IL16: variants seen among roughly 807,000 people sequenced by gnomAD.
IL16 encodes the protein pro-interleukin-16.
In IL16, 67 loss-of-function variants were observed where a neutral mutation model predicts 110.1. The ratio of observed to expected loss-of-function variants is 0.61; its 90% CI spans 0.50 to 0.75. The LOEUF is 0.75. IL16 is among the 30% of genes least tolerant of loss of function. The pLI is 0.00. For synonymous variants in IL16, 689 were observed against 662.9 expected (o/e 1.04, Z -0.61); for missense variants, 1,545 against 1,655.0 (o/e 0.93, Z 1.15).
chr15:81,307,368 G>A (rs1180300351), intron 18 of IL16, among the ~76,000 whole-genome samples: 1 of 152,116 alleles, frequency 6.6e-6, no homozygotes, highest in South Asian at 2.1e-4. Context: ...TGTGTCTGAG[G>A]GCTCTTAGGA....
At chr15:81,215,785 C>T (rs1278885190) in intron 1 of IL16, among the ~76,000 whole-genome samples, 2 of 152,238 alleles carry the variant, frequency 1.3e-5, no homozygotes, top group Non-Finnish European at 2.9e-5. Context: ...TCCTCCCTCA[C>T]TCAAGTGCCA....
Position 81,303,612 on chromosome 15 carries a change from T to A in IL16, c.3382T>A (p.Leu1128Met). The change falls in exon 16 of 19, where the codon TTG (leucine) becomes ATG (methionine). Residue 1128 changes from leucine (L) to methionine (M), a missense_variant. This residue lies in a region of IL16 where 356 missense variants were observed against 399.3 expected (regional missense o/e 0.89). Transcript: ENST00000683961. The surrounding 1 kb of genome is among the most constrained non-coding windows in gnomAD (Gnocchi z 4.1). ...KEEGAGLGFSLAGGADLENKV... is the reference protein window; with the variant it reads ...KEEGAGLGFSMAGGADLENKV... ...GGAAGGTGCTGGTCTTGGGTTCAGC[T>A]TGGCAGGAGGAGCAGATCTAGAAAA... 3.1e-6 allele frequency: 5 copies of A among 1,614,066 alleles called. No individual in the cohort carries two copies. The highest frequency in any genetic ancestry group is 4.2e-6 in the Non-Finnish European group (5 of 1,179,884).
At chr15:81,241,972 C>G (rs1311490250) in intron 2 of IL16, among the ~76,000 whole-genome samples, 1 of 133,316 alleles carries the variant, frequency 7.5e-6, no homozygotes, top group African/African-American at 2.9e-5. Context: ...TTTTTTTTCT[C>G]TCCTGTGGAT....
chr15:81,212,572 G>C (rs897681465), intron 1 of IL16, among the ~76,000 whole-genome samples: 1 of 152,034 alleles, frequency 6.6e-6, no homozygotes, highest in Non-Finnish European at 1.5e-5. Context: ...CCTGGGCTCA[G>C]GTGATTCTCC....
chr15:81,277,883 C>T (rs1019249292), intron 6 of IL16, among the ~76,000 whole-genome samples: 13 of 152,072 alleles, frequency 8.5e-5, no homozygotes, highest in African/African-American at 3.1e-4. Context: ...AGAGAAAGTG[C>T]TCCCTGTTTG....
At chr15:81,220,582 T>C (rs1283814959) in intron 1 of IL16, among the ~76,000 whole-genome samples, 5 of 152,232 alleles carry the variant, frequency 3.3e-5, no homozygotes, top group Non-Finnish European at 7.3e-5. Flanking sequence ...AAATTGCCTT[T>C]GATGTAGGAC....
chr15:81,197,268 T>C, intron 1 of IL16, 116 bp downstream of exon 1: 1 of 588,874 alleles, frequency 1.7e-6, no homozygotes, highest in South Asian at 1.9e-5. Flanking sequence ...TAACTTCATA[T>C]TTGGAAGTGG....
chr15:81,191,206 G>A (rs977321275), intron 1 of IL16, among the ~76,000 whole-genome samples: 6 of 152,128 alleles, frequency 3.9e-5, no homozygotes, highest in Admixed American at 1.3e-4. Flanking sequence ...TGTCATAACC[G>A]GAGGGTCATG....
At chr15:81,275,411 C>T (rs11637313) in intron 6 of IL16, among the ~76,000 whole-genome samples, 2 of 104,206 alleles carry the variant, frequency 1.9e-5, no homozygotes, top group Non-Finnish European at 3.9e-5. Flanking sequence ...GCCCAGATGC[C>T]GTTCTAGGGG....
chr15:81,231,429 A>G (rs570201152), intron 2 of IL16, among the ~76,000 whole-genome samples: 1 of 144,378 alleles, frequency 6.9e-6, no homozygotes, highest in East Asian at 2.1e-4. Context: ...CTGGGATGCA[A>G]TGGCATGAAC....
intron 1 of IL16, among the ~76,000 whole-genome samples, chr15:81,209,148 T>C (rs1173722372): frequency 1.3e-5 from 2 of 152,154 alleles, no homozygotes; most frequent in Non-Finnish European, 2.9e-5. Context: ...GCAAGAGTTA[T>C]GGTTGATGGT....
chr15:81,200,625 C>A (rs531457914), intron 1 of IL16, among the ~76,000 whole-genome samples: 2 of 152,176 alleles, frequency 1.3e-5, no homozygotes, highest in Admixed American at 6.5e-5. Context: ...CTCGCCTCAA[C>A]CTCCCAAAGT....
intron 4 of IL16, among the ~76,000 whole-genome samples, chr15:81,266,401 T>C (rs1374557366): frequency 2.0e-5 from 3 of 152,358 alleles, no homozygotes; most frequent in Admixed American, 6.5e-5. Flanking sequence ...GCTGGGTTTA[T>C]GCATCTTAAA....
At chr15:81,184,670 A>G (rs551542981) in intron 1 of IL16, among the ~76,000 whole-genome samples, 1 of 152,342 alleles carries the variant, frequency 6.6e-6, no homozygotes, top group African/African-American at 2.4e-5. Flanking sequence ...ACTACTCAAT[A>G]CATTTGACAC....
chr15:81,262,284 A>T (rs1898188276), intron 3 of IL16, among the ~76,000 whole-genome samples: 2 of 152,186 alleles, frequency 1.3e-5, no homozygotes. Flanking sequence ...ATTTTTTAAC[A>T]TTAAGGTGTT....
chr15:81,284,522 G>A (rs143128441), intron 9 of IL16, among the ~76,000 whole-genome samples: 2 of 152,222 alleles, frequency 1.3e-5, no homozygotes, highest in Non-Finnish European at 2.9e-5. Context: ...CAGTGGAGTA[G>A]GGATTGTTCT....
chr15:81,185,848 A>T (rs1895411603), intron 1 of IL16, among the ~76,000 whole-genome samples: 2 of 152,196 alleles, frequency 1.3e-5, no homozygotes, highest in African/African-American at 4.8e-5. Flanking sequence ...GCAGAGATGG[A>T]GAAGCAAATG....
upstream of IL16, among the ~76,000 whole-genome samples, chr15:81,195,714 C>T (rs989972801): frequency 6.6e-6 from 1 of 152,150 alleles, no homozygotes; most frequent in Non-Finnish European, 1.5e-5. Context: ...TGGTGCTGAG[C>T]GTTGGGAAAC....
rs745813544 is a variant in IL16 at position 81,301,426 on chromosome 15, G to T, written c.3232G>T (p.Gly1078Cys). 4 of 1,613,840 alleles carry T rather than the reference G, an allele frequency of 2.5e-6. No individual in the cohort carries two copies. Among genetic ancestry groups the T allele is most frequent in the Admixed American group, 3.3e-5 (2 of 59,984 alleles). ...DDGDHSSLQSGQSVISLLSSE... is the reference protein window; with the variant it reads ...DDGDHSSLQSCQSVISLLSSE... ...TGGGGACCACAGTTCCCTTCAGTCT[G>T]GTCAGTCCGTTATCTCCCTGCTGAG... Residue 1078 changes from glycine (G) to cysteine (C), a missense_variant, in exon 15 of 19, where the codon GGT becomes TGT. Physicochemically the swap from Gly to Cys is radical, Grantham distance 159. Around this residue, in one of 3 missense-constraint regions of IL16, gnomAD observed 356 missense variants for 399.3 expected, o/e 0.89. Coordinates refer to ENST00000683961, the MANE Select transcript of IL16 (RefSeq NM_172217.5).
Sources: allele counts gnomAD v4.1 joint callset (sites outside exome capture counted in the v4.1 genomes callset), GRCh38; gene constraint gnomAD v4.1.1; regional missense constraint gnomAD v4.1.1; non-coding constraint Gnocchi (gnomAD v3.1); transcripts MANE v1.5; gene names NCBI Gene and HGNC (gene_info 2026-07-23, HGNC 2026-07-21).